The following KCND2 variants were observed in gnomAD, a reference collection of about 807,000 sequenced individuals.
KCND2 encodes the protein potassium voltage-gated channel subfamily D member 2.
Under a neutral mutation model 54.4 loss-of-function variants are expected in KCND2, and 16 were observed. The observed-to-expected ratio is 0.29, with a 90% CI of 0.20 to 0.45. The LOEUF (loss-of-function observed/expected upper bound fraction) is 0.45, where lower values mean the gene tolerates loss of function less well. Among genes scored for constraint, KCND2 ranks in the 20% least tolerant of loss-of-function variants. The pLI, the probability that KCND2 is intolerant of heterozygous loss-of-function variation, is 1.00. For missense variants in KCND2, 486 were observed against 824.2 expected, an observed-to-expected ratio of 0.59 and a Z score of 5.02; for synonymous variants, 317 against 310.7, an observed-to-expected ratio of 1.02 and a Z score of -0.21.
chr7:120,289,817 CCAA>C (rs2116273435), intron 1 of KCND2, among the ~76,000 whole-genome samples: 1 of 152,176 alleles, frequency 6.6e-6, no homozygotes, highest in Admixed American at 6.6e-5. Flanking sequence ...AACTTTTCAT[CCAA>C]CATCTATTTT....
intron 1 of KCND2, among the ~76,000 whole-genome samples, chr7:120,357,015 C>T (rs1465081459): frequency 6.6e-6 from 1 of 152,092 alleles, no homozygotes; most frequent in East Asian, 1.9e-4. Flanking sequence ...TTTGTTTTCC[C>T]ATAGTAAGCT....
At chr7:120,351,404 A>ACT (rs1435155111) in intron 1 of KCND2, among the ~76,000 whole-genome samples, 62 of 134,952 alleles carry the variant, frequency 4.6e-4, no homozygotes, top group Middle Eastern at 7.4e-3. Flanking sequence ...ACACACACAC[A>ACT]CACACACACT....
At chr7:120,622,851 G>A (rs2116503285) in intron 1 of KCND2, among the ~76,000 whole-genome samples, 2 of 151,948 alleles carry the variant, frequency 1.3e-5, no homozygotes, top group Admixed American at 1.3e-4. Context: ...TTCTCCTCTG[G>A]GGAATTGTTA....
At chr7:120,583,541 G>GT (rs961074261) in intron 1 of KCND2, among the ~76,000 whole-genome samples, 1 of 152,134 alleles carries the variant, frequency 6.6e-6, no homozygotes, top group African/African-American at 2.4e-5. Context: ...TGTCAGCAGA[G>GT]TTGGTGCCTG....
At chr7:120,356,592 G>A (rs1314689731) in intron 1 of KCND2, among the ~76,000 whole-genome samples, 1 of 152,036 alleles carries the variant, frequency 6.6e-6, no homozygotes, top group African/African-American at 2.4e-5. Flanking sequence ...CCCACTGTTG[G>A]GGTATAATCA....
intron 1 of KCND2, among the ~76,000 whole-genome samples, chr7:120,530,205 A>C (rs1791825879): frequency 6.6e-6 from 1 of 152,220 alleles, no homozygotes; most frequent in Admixed American, 6.5e-5. Flanking sequence ...TATAACACAA[A>C]GTATAAATGC....
intron 1 of KCND2, among the ~76,000 whole-genome samples, chr7:120,393,334 A>G (rs1462455313): frequency 2.6e-5 from 4 of 152,018 alleles, no homozygotes; most frequent in Non-Finnish European, 1.5e-5. Context: ...AGCACCATTA[A>G]TGTTAGTTCC....
rs182205005 is a variant in KCND2, at chr7:120,310,451, C to G, written c.1115+34704C>G. On this transcript the variant is annotated intron_variant, in intron 1 of 5. Transcript: ENST00000331113. Reference sequence around the variant, plus strand: ...TTTTTTCTTTTATTAAGATAATTGGCATCTGTCAACTATAATTTGCAAAAT... The same window carrying G: ...TTTTTTCTTTTATTAAGATAATTGGGATCTGTCAACTATAATTTGCAAAAT... Among the ~76,000 whole-genome samples the G allele has an allele frequency of 7.7e-3, 1,171 of 152,092 alleles. 5 individuals are homozygous for G. The highest frequency in any genetic ancestry group is 0.011 in the Non-Finnish European group (777 of 67,992).
rs376321316 is a variant in KCND2, at chr7:120,351,244, G to GTGTATATATATATATA, written c.1115+75498_1115+75499insGTATATATATATATAT. ...CATCATATTATATATTTATATGTGT[G>GTGTATATATATATATA]TATATATATATATATATATATATCC... On this transcript the variant is annotated intron_variant, in intron 1 of 5. Transcript: ENST00000331113. Among the ~76,000 whole-genome samples the GTGTATATATATATATA allele has an allele frequency of 1.2e-4, 16 of 137,350 alleles. 1 individual carries two copies. Among genetic ancestry groups the GTGTATATATATATATA allele is most frequent in the African/African-American group, 4.3e-4 (16 of 36,816 alleles). The allele number at this position is 137,350 out of a possible 152,430, so 90.1% of individuals were successfully genotyped here. A position where few individuals can be genotyped will look rare whatever the true frequency, so the allele number is the denominator to read the frequency against.
chr7:120,294,163 C>G (rs1478260667), intron 1 of KCND2, among the ~76,000 whole-genome samples: 1 of 151,910 alleles, frequency 6.6e-6, no homozygotes, highest in Non-Finnish European at 1.5e-5. Context: ...CATCTTAGTA[C>G]AGAAGGAAAT....
Position 120,440,510 on chromosome 7 carries a change from A to G in KCND2, c.1115+164763A>G, listed in dbSNP as rs183540047. On this transcript the variant is annotated intron_variant, in intron 1 of 5. Transcript: ENST00000331113. The stretch of plus-strand genomic sequence containing the variant: ...TAGTTTGGTGTAATCCCATTTGTCT[A>G]TGTTGGCTTTTTTAGTCTGTGCTTT... Among the ~76,000 whole-genome samples, 292 of 152,056 alleles carry G rather than the reference A, an allele frequency of 1.9e-3. 5 individuals are homozygous for G. The highest frequency in any genetic ancestry group is 7.5e-4 in the Non-Finnish European group (51 of 67,944).
chr7:120,451,179 A>T (rs1802101338), intron 1 of KCND2, among the ~76,000 whole-genome samples: 1 of 152,182 alleles, frequency 6.6e-6, no homozygotes, highest in Non-Finnish European at 1.5e-5. Context: ...GCCATACTTT[A>T]TCTAGATTGT....
chr7:120,486,617 G>A (rs1802697434), intron 1 of KCND2, among the ~76,000 whole-genome samples: 2 of 152,002 alleles, frequency 1.3e-5, no homozygotes, highest in African/African-American at 4.8e-5. Context: ...CAAAGGGGAT[G>A]CATTAAAATT....
chr7:120,747,401 T>A (rs1584905441), intron 5 of KCND2, among the ~76,000 whole-genome samples: 1 of 152,126 alleles, frequency 6.6e-6, no homozygotes, highest in East Asian at 1.9e-4. Context: ...GTCCAAATCT[T>A]ACTTGAAGCT....
At chr7:120,472,481 A>G (rs1802472566) in intron 1 of KCND2, among the ~76,000 whole-genome samples, 1 of 152,090 alleles carries the variant, frequency 6.6e-6, no homozygotes, top group Admixed American at 6.6e-5. Context: ...GCTTGCTATC[A>G]TGGGCAATTT....
intron 1 of KCND2, among the ~76,000 whole-genome samples, chr7:120,598,427 T>C (rs117484132): frequency 6.6e-6 from 1 of 152,142 alleles, no homozygotes; most frequent in Non-Finnish European, 1.5e-5. Context: ...TGCTAGATCA[T>C]TTGATAATGG....
At chr7:120,710,871 T>C (rs1792529078) in intron 1 of KCND2, among the ~76,000 whole-genome samples, 1 of 152,126 alleles carries the variant, frequency 6.6e-6, no homozygotes, top group Non-Finnish European at 1.5e-5. Flanking sequence ...AAGCCAAAGA[T>C]AATGTCTGTA....
intron 1 of KCND2, among the ~76,000 whole-genome samples, chr7:120,437,157 G>A (rs967031529): frequency 3.4e-5 from 5 of 146,396 alleles, no homozygotes; most frequent in Non-Finnish European, 7.5e-5. Context: ...TTTTATTTCT[G>A]TTGAATTTTA....
At chr7:120,723,335 G>C (rs528846334) in intron 1 of KCND2, among the ~76,000 whole-genome samples, 4 of 152,264 alleles carry the variant, frequency 2.6e-5, no homozygotes, top group African/African-American at 9.6e-5. Flanking sequence ...TAACCAGAGA[G>C]GATCTTGTTA....
Sources: gnomAD v4.1 joint callset for allele counts (sites outside exome capture counted in the v4.1 genomes callset) on GRCh38, gnomAD v4.1.1 for gene constraint, MANE v1.5 for transcripts, NCBI Gene and HGNC (gene_info 2026-07-23, HGNC 2026-07-21) for gene names.